Variants in SPMAP2 observed in about 807,000 individuals in gnomAD.
SPMAP2 encodes the protein Theg homolog.
At chr19:372,803 G>C in the SPMAP2 span, 1 of 1,134,840 alleles carries the variant, frequency 8.8e-7, no homozygotes, top group Non-Finnish European at 1.3e-6. Context: ...GCTTGGGCAG[G>C]AGGCTGAATT....
the SPMAP2 span, among the ~76,000 whole-genome samples, chr19:370,224 A>G: frequency 6.6e-6 from 1 of 152,188 alleles, no homozygotes; most frequent in Non-Finnish European, 1.5e-5. Context: ...TTGGACAACC[A>G]TTGGTCAGTT....
At chr19:374,054 G>T in the SPMAP2 span, 1 of 1,595,836 alleles carries the variant, frequency 6.3e-7, no homozygotes, top group South Asian at 1.1e-5. Flanking sequence ...TCTTGCCCTG[G>T]GTCTCCCGTT....
the SPMAP2 span, among the ~76,000 whole-genome samples, chr19:362,968 A>G: frequency 6.6e-6 from 1 of 152,090 alleles, no homozygotes; most frequent in Non-Finnish European, 1.5e-5. Context: ...GAAAGGACAC[A>G]CAGTGTGTGA....
chr19:371,868 T>A, the SPMAP2 span, among the ~76,000 whole-genome samples: 1,417 of 152,328 alleles, frequency 9.3e-3, 19 homozygotes, highest in African/African-American at 0.031. Flanking sequence ...GGTCTCCACA[T>A]TGAACAGGTC....
the SPMAP2 span, chr19:373,997 C>T: frequency 6.2e-7 from 1 of 1,613,578 alleles, no homozygotes; most frequent in Non-Finnish European, 8.5e-7. Flanking sequence ...ATACCCCTTA[C>T]CACAGCGTCC....
the SPMAP2 span, among the ~76,000 whole-genome samples, chr19:367,596 G>A: frequency 6.6e-6 from 1 of 152,212 alleles, no homozygotes; most frequent in Non-Finnish European, 1.5e-5. Flanking sequence ...GCCCTGGTGA[G>A]AGGCTCTCAT....
At chr19:366,832 G>C in the SPMAP2 span, among the ~76,000 whole-genome samples, 1 of 152,176 alleles carries the variant, frequency 6.6e-6, no homozygotes, top group African/African-American at 2.4e-5. Context: ...TTGTTCCTTA[G>C]CGTGGTTCTC....
chr19:365,480 A>G, the SPMAP2 span, among the ~76,000 whole-genome samples: 74,519 of 137,442 alleles, frequency 0.54, 20,482 homozygotes, highest in Middle Eastern at 0.61. Flanking sequence ...GTGAGCACGC[A>G]CAGAGAAACA....
the SPMAP2 span, among the ~76,000 whole-genome samples, chr19:364,649 G>A: frequency 6.6e-6 from 1 of 152,128 alleles, no homozygotes; most frequent in African/African-American, 2.4e-5. Context: ...CTCATGTCAT[G>A]GTGGTAAGTG....
At chr19:375,794 G>T in the SPMAP2 span, 39 of 1,609,944 alleles carry the variant, frequency 2.4e-5, 1 homozygote, top group Middle Eastern at 6.6e-4. Flanking sequence ...CCTCTTCTGG[G>T]TCTTCTGGTC....
the SPMAP2 span, chr19:374,267 C>T: frequency 7.5e-6 from 12 of 1,610,184 alleles, no homozygotes; most frequent in Admixed American, 1.8e-4. Context: ...CCCACGCTGC[C>T]CCTACGAGGC....
chr19:373,378 G>A, the SPMAP2 span: 1 of 1,246,726 alleles, frequency 8.0e-7, no homozygotes, highest in Non-Finnish European at 1.2e-6. Flanking sequence ...GATGGGGCAA[G>A]GGAGGCCAGA....
the SPMAP2 span, chr19:371,165 G>A: frequency 1.0e-4 from 126 of 1,249,854 alleles, no homozygotes; most frequent in Non-Finnish European, 1.2e-4. Flanking sequence ...GTCCCAGCCC[G>A]CCTGGCGGGG....
At chr19:368,281 G>A in the SPMAP2 span, among the ~76,000 whole-genome samples, 6 of 152,170 alleles carry the variant, frequency 3.9e-5, no homozygotes, top group Non-Finnish European at 8.8e-5. The surrounding 1 kb of genome is among the most constrained non-coding windows in gnomAD (Gnocchi z 4.1). Context: ...GCGGCGCTCA[G>A]ACACCCTTAA....
chr19:375,977 G>T, the SPMAP2 span: 3 of 1,387,940 alleles, frequency 2.2e-6, no homozygotes, highest in Admixed American at 5.6e-5. Flanking sequence ...CCATACACCG[G>T]TCCCTTCCCA....
chr19:374,985 AG>A, the SPMAP2 span, among the ~76,000 whole-genome samples: 1 of 152,180 alleles, frequency 6.6e-6, no homozygotes, highest in Non-Finnish European at 1.5e-5. Flanking sequence ...AGGTTGGCAG[AG>A]CCCCATGAGG....
chr19:364,716 G>A, the SPMAP2 span, among the ~76,000 whole-genome samples: 1 of 152,102 alleles, frequency 6.6e-6, no homozygotes, highest in African/African-American at 2.4e-5. Context: ...GCTCCCTGGT[G>A]GCTGTCCCTC....
chr19:375,558 G>T, the SPMAP2 span: 14 of 1,231,384 alleles, frequency 1.1e-5, no homozygotes, highest in Non-Finnish European at 1.5e-5. Context: ...GCCGGTGGCC[G>T]GTTACGACCC....
chr19:364,141 G>A, the SPMAP2 span, among the ~76,000 whole-genome samples: 7 of 150,452 alleles, frequency 4.7e-5, no homozygotes, highest in African/African-American at 1.2e-4. Context: ...AGACCATCCT[G>A]GCTCACACGG....
Sources: gnomAD v4.1 joint callset for allele counts (sites outside exome capture counted in the v4.1 genomes callset) on GRCh38, gnomAD v4.1.1 for gene constraint, Gnocchi (gnomAD v3.1) non-coding constraint, MANE v1.5 for transcripts, NCBI Gene and HGNC (gene_info 2026-07-23, HGNC 2026-07-21) for gene names.